The following IPCEF1 variants were observed in gnomAD, a reference collection of about 807,000 sequenced individuals.
IPCEF1 encodes the protein interaction protein for cytohesin exchange factors 1.
A neutral mutation model predicts 50.9 loss-of-function variants in IPCEF1; 31 were observed. That is an observed-to-expected ratio of 0.61 (90% CI 0.46 to 0.82). The LOEUF (loss-of-function observed/expected upper bound fraction) is 0.82. IPCEF1 is among the 40% of genes least tolerant of loss of function. IPCEF1 has a pLI of 0.00. For missense variants in IPCEF1, 458 were observed against 514.0 expected (o/e 0.89, Z 1.05); for synonymous variants, 181 against 192.0 (o/e 0.94, Z 0.47).
At position 154,214,206 on chromosome 6, in the gene IPCEF1, A is replaced by G; in HGVS notation, c.451+12T>C. The G allele has an allele frequency of 6.4e-7, 1 of 1,574,706 alleles. No individual in the cohort carries two copies. Among genetic ancestry groups the G allele is most frequent in the Non-Finnish European group, 8.7e-7 (1 of 1,144,098 alleles). On this transcript the variant is annotated intron_variant, in intron 8 of 11. Transcript: ENST00000367220. The stretch of plus-strand genomic sequence containing the variant: ...TCTTGCTAAATTTTCAGAAATTTAA[A>G]ATAGAACATACCTTCATCCTTTGTA...
chr6:154,241,185 G>A (rs561780176), intron 5 of IPCEF1, among the ~76,000 whole-genome samples: 152 of 146,420 alleles, frequency 1.0e-3, no homozygotes, highest in Non-Finnish European at 1.9e-3. Context: ...GCAGTGAGCC[G>A]AGATCGCGCC....
intron 10 of IPCEF1, 41 bp downstream of exon 10, chr6:154,199,623 CAAAT>C: frequency 2.0e-6 from 3 of 1,512,142 alleles, no homozygotes; most frequent in Non-Finnish European, 2.7e-6. Flanking sequence ...CATATACAAA[CAAAT>C]ATTCACTCTC....
chr6:154,246,542 G>T (rs7759388), intron 5 of IPCEF1, 49 bp downstream of exon 5: 1 of 1,561,328 alleles, frequency 6.4e-7, no homozygotes, highest in Non-Finnish European at 8.7e-7. Flanking sequence ...TGCCTTTAAC[G>T]TATCCCTCAT....
rs547006066 is a variant in IPCEF1, at chr6:154,212,761, G to T, written c.537+9C>A. On this transcript the variant is annotated intron_variant, in intron 9 of 11. Transcript: ENST00000367220. ...CGATGACCAACAGACTACTTATGTC[G>T]GTACATACCAAAGACTGAGTCTGGG... 1 of 1,583,266 alleles carries T rather than the reference G, an allele frequency of 6.3e-7. No homozygotes were observed. The highest frequency in any genetic ancestry group is 8.7e-7 in the Non-Finnish European group (1 of 1,152,058).
At position 154,287,589 on chromosome 6, in the gene IPCEF1, C is replaced by T. The variant is rs377539169; in HGVS notation, c.-18+2124G>A. Among the ~76,000 whole-genome samples, 19 of 152,208 alleles carry T rather than the reference C, an allele frequency of 1.2e-4. No homozygotes were observed. The East Asian group carries it at 2.7e-3, about 22-fold the overall frequency. On this transcript the variant is annotated intron_variant, in intron 2 of 11. Coordinates refer to ENST00000367220, the MANE Select transcript of IPCEF1 (RefSeq NM_001130700.2). ...TTTGTGTCAGAGATAAGATTCAAAC[C>T]CCAGCCCTCTGAGCTCAGAGCCTCC...
intron 5 of IPCEF1, among the ~76,000 whole-genome samples, chr6:154,243,816 C>T (rs1034019957): frequency 1.3e-5 from 2 of 152,156 alleles, no homozygotes; most frequent in African/African-American, 4.8e-5. Flanking sequence ...GGACAATTGA[C>T]GCAATCTCTC....
chr6:154,205,870 T>C (rs1777451885), intron 9 of IPCEF1, among the ~76,000 whole-genome samples: 1 of 152,008 alleles, frequency 6.6e-6, no homozygotes, highest in African/African-American at 2.4e-5. Flanking sequence ...ATGCTTCTGC[T>C]TGTGTTCCTC....
At chr6:154,303,496 A>G (rs1562586351) in intron 1 of IPCEF1, among the ~76,000 whole-genome samples, 1 of 152,218 alleles carries the variant, frequency 6.6e-6, no homozygotes, top group Non-Finnish European at 1.5e-5. Context: ...TTTTAACGAC[A>G]TAATACAGGA....
At chr6:154,279,538 T>C (rs1320581587) in intron 2 of IPCEF1, among the ~76,000 whole-genome samples, 2 of 152,246 alleles carry the variant, frequency 1.3e-5, no homozygotes, top group Admixed American at 6.5e-5. Flanking sequence ...CAATTGATTT[T>C]CTATTATGGT....
At chr6:154,312,677 T>C (rs921037870) in intron 1 of IPCEF1, among the ~76,000 whole-genome samples, 2 of 152,060 alleles carry the variant, frequency 1.3e-5, no homozygotes, top group African/African-American at 4.8e-5. Flanking sequence ...ACAGGAGGAA[T>C]AAGTTCAAGA....
At chr6:154,259,644 C>G (rs6928361) in intron 3 of IPCEF1, among the ~76,000 whole-genome samples, 142,819 of 152,142 alleles carry the variant, frequency 0.94, 67,125 homozygotes, top group East Asian at 1. Context: ...AAGAGCGAAA[C>G]TCTGTCTAAA....
At chr6:154,217,620 C>T (rs939323949) in intron 7 of IPCEF1, 5 of 152,014 alleles carry the variant, frequency 3.3e-5, no homozygotes, top group Non-Finnish European at 7.3e-5. Flanking sequence ...TTGTCTGACA[C>T]GAATACGTTT....
chr6:154,206,146 T>C (rs1777476185), intron 9 of IPCEF1, among the ~76,000 whole-genome samples: 1 of 152,160 alleles, frequency 6.6e-6, no homozygotes, highest in Non-Finnish European at 1.5e-5. Context: ...CTCAAATTTA[T>C]CAAGAGGGGC....
chr6:154,338,962 A>C (rs1022093588), intron 1 of IPCEF1, among the ~76,000 whole-genome samples: 2 of 152,018 alleles, frequency 1.3e-5, no homozygotes, highest in Non-Finnish European at 2.9e-5. Flanking sequence ...AAATAAAATC[A>C]CTTTGTTCCT....
intron 1 of IPCEF1, among the ~76,000 whole-genome samples, chr6:154,339,972 A>C (rs770326543): frequency 2.6e-5 from 4 of 152,136 alleles, no homozygotes; most frequent in Non-Finnish European, 5.9e-5. Flanking sequence ...CCTGCTAGCA[A>C]GAGGAAACTG....
chr6:154,294,507 G>T (rs1322775625), intron 1 of IPCEF1, among the ~76,000 whole-genome samples: 2 of 152,120 alleles, frequency 1.3e-5, no homozygotes, highest in Non-Finnish European at 2.9e-5. Context: ...GTATAAAGGG[G>T]TTTCCCGAGA....
At chr6:154,239,194 A>G (rs1412106073) in intron 5 of IPCEF1, among the ~76,000 whole-genome samples, 1 of 152,230 alleles carries the variant, frequency 6.6e-6, no homozygotes, top group Admixed American at 6.5e-5. Context: ...AATTTAAAGG[A>G]AAATAATATT....
intron 2 of IPCEF1, among the ~76,000 whole-genome samples, chr6:154,277,636 A>G (rs1242370969): frequency 6.6e-6 from 1 of 152,144 alleles, no homozygotes; most frequent in Non-Finnish European, 1.5e-5. Context: ...TGGCTCTTTT[A>G]TTGGTTGTTG....
At chr6:154,194,658 A>G (rs933820723) in intron 10 of IPCEF1, among the ~76,000 whole-genome samples, 2 of 152,142 alleles carry the variant, frequency 1.3e-5, no homozygotes, top group African/African-American at 4.8e-5. Flanking sequence ...CCTAACTCCT[A>G]GCTTCAGGAA....
Sources: allele counts gnomAD v4.1 joint callset (sites outside exome capture counted in the v4.1 genomes callset), GRCh38; gene constraint gnomAD v4.1.1; transcripts MANE v1.5; gene names NCBI Gene and HGNC (gene_info 2026-07-23, HGNC 2026-07-21).